Variants in MICAL3 observed in about 807,000 individuals in gnomAD.
The protein encoded by MICAL3 is microtubule associated monooxygenase, calponin and LIM domain containing 3, also known as [F-actin]-monooxygenase MICAL3.
A neutral mutation model predicts 207.4 loss-of-function variants in MICAL3; 62 were observed. The observed-to-expected ratio is 0.30, with a 90% CI of 0.24 to 0.37. MICAL3 has a LOEUF of 0.37. Ranked by LOEUF, MICAL3 falls within the 10% of genes least tolerant of loss-of-function variation. The pLI is 1.00. For synonymous variants in MICAL3, 1,077 were observed against 1,069.3 expected (o/e 1.01, Z -0.14); for missense variants, 2,368 against 2,635.6 (o/e 0.90, Z 2.22).
intron 16 of MICAL3, chr22:17,884,222 G>T: frequency 7.7e-7 from 1 of 1,292,706 alleles, no homozygotes; most frequent in Non-Finnish European, 1.1e-6. Flanking sequence ...CAGGAGGAGG[G>T]GTAGGAAGGC....
At chr22:17,813,622 A>C (rs891443925) in intron 27 of MICAL3, 1 of 152,368 alleles carries the variant, frequency 6.6e-6, no homozygotes, top group Admixed American at 6.5e-5. Context: ...GGAACTATGG[A>C]CCACACCCTA....
At chr22:17,949,887 C>G (rs1163476687) in intron 1 of MICAL3, among the ~76,000 whole-genome samples, 2 of 152,248 alleles carry the variant, frequency 1.3e-5, no homozygotes, top group African/African-American at 4.8e-5. Context: ...CTGGGTCCAG[C>G]AGGCCTGGGT....
chr22:17,992,653 T>C (rs934933121), intron 1 of MICAL3, among the ~76,000 whole-genome samples: 1 of 152,108 alleles, frequency 6.6e-6, no homozygotes, highest in African/African-American at 2.4e-5. Flanking sequence ...CAGGGGCTTG[T>C]TTGTATCCCC....
chr22:17,928,310 G>C (rs1489013523), intron 1 of MICAL3, among the ~76,000 whole-genome samples: 2 of 152,050 alleles, frequency 1.3e-5, no homozygotes, highest in African/African-American at 2.4e-5. Flanking sequence ...GTGGTGGCGG[G>C]CATCTGTAGT....
intron 29 of MICAL3, among the ~76,000 whole-genome samples, chr22:17,802,336 A>C (rs1484101569): frequency 6.6e-6 from 1 of 152,236 alleles, no homozygotes; most frequent in African/African-American, 2.4e-5. Context: ...AATTGCTGGG[A>C]TAACAGGTGT....
intron 29 of MICAL3, among the ~76,000 whole-genome samples, chr22:17,797,867 G>A (rs543629501): frequency 6.2e-4 from 95 of 152,342 alleles, no homozygotes; most frequent in Non-Finnish European, 1.1e-3. Context: ...TCGGCGGGCC[G>A]TCCTCCAGGC....
At chr22:18,016,017 G>C (rs986496212) in intron 1 of MICAL3, among the ~76,000 whole-genome samples, 3 of 152,050 alleles carry the variant, frequency 2.0e-5, no homozygotes, top group Non-Finnish European at 4.4e-5. Context: ...TAACTTTATT[G>C]GGATAAATTC....
intron 1 of MICAL3, among the ~76,000 whole-genome samples, chr22:18,011,952 G>C (rs931443107): frequency 1.3e-5 from 2 of 150,534 alleles, no homozygotes; most frequent in African/African-American, 4.9e-5. Context: ...AAAGAACTTA[G>C]AGCAGGGTCT....
In MICAL3 at chr22:17,810,298, T is replaced by G. The variant is rs112889543; in HGVS notation, c.5556+405A>C. On this transcript the variant is annotated intron_variant, in intron 28 of 31. Transcript: ENST00000441493. ...CAGGATGGTCTCAATCTCCTGACCTTGTGATCCGCCCGCCTTGGCCTCCCA... is the reference window on the plus strand; with the variant it reads ...CAGGATGGTCTCAATCTCCTGACCTGGTGATCCGCCCGCCTTGGCCTCCCA... Among the ~76,000 whole-genome samples, 4 of 152,114 alleles carry G rather than the reference T, an allele frequency of 2.6e-5. No individual in the cohort carries two copies. In the South Asian group the frequency reaches 6.2e-4, roughly 24 times the overall value.
At chr22:17,936,218 C>T (rs1933520326) in intron 1 of MICAL3, among the ~76,000 whole-genome samples, 1 of 152,204 alleles carries the variant, frequency 6.6e-6, no homozygotes, top group Non-Finnish European at 1.5e-5. Context: ...AAATGTGGCA[C>T]ACATACACCA....
chr22:17,912,710 C>T (rs879493838), intron 1 of MICAL3, among the ~76,000 whole-genome samples: 3 of 152,118 alleles, frequency 2.0e-5, no homozygotes, highest in Non-Finnish European at 4.4e-5. Flanking sequence ...ATGTACTAGC[C>T]TTGAACAGGT....
chr22:17,819,412 G>A (rs1462611548), intron 25 of MICAL3, among the ~76,000 whole-genome samples: 1 of 152,128 alleles, frequency 6.6e-6, no homozygotes, highest in Non-Finnish European at 1.5e-5. Flanking sequence ...CCACTCACAG[G>A]AACACTGGCC....
chr22:17,966,242 T>C (rs1416354831), intron 1 of MICAL3, among the ~76,000 whole-genome samples: 1 of 152,060 alleles, frequency 6.6e-6, no homozygotes, highest in African/African-American at 2.4e-5. Flanking sequence ...CCACTTTCCC[T>C]GAGATAACTG....
At chr22:17,965,183 C>CAAAA (rs370246938) in intron 1 of MICAL3, among the ~76,000 whole-genome samples, 4 of 105,600 alleles carry the variant, frequency 3.8e-5, no homozygotes, top group Admixed American at 1.0e-4. Context: ...ACCCCGTCTC[C>CAAAA]AAAAAAAAAA....
intron 25 of MICAL3, among the ~76,000 whole-genome samples, chr22:17,820,236 C>T (rs756625883): frequency 7.6e-4 from 115 of 152,044 alleles, no homozygotes; most frequent in Non-Finnish European, 1.5e-3. Flanking sequence ...CCAGCTTTCT[C>T]CCTGATCTGA....
At chr22:17,928,807 TTTC>T (rs1205722558) in intron 1 of MICAL3, among the ~76,000 whole-genome samples, 1 of 152,212 alleles carries the variant, frequency 6.6e-6, no homozygotes, top group Non-Finnish European at 1.5e-5. Flanking sequence ...AGAACTTTTT[TTTC>T]TTAAGACGGA....
rs1602050749 is a variant in MICAL3, at chr22:17,849,938, G to A, written c.2606-7921C>T. ...GAACTCCTGACCTCGTGATCCGCCC[G>A]CCTTAGCCTCCCAAAGTGCTGGGAT... is the stretch of plus-strand genomic sequence containing the variant. On this transcript the variant is annotated intron_variant, in intron 19 of 31. Coordinates refer to ENST00000441493, the MANE Select transcript of MICAL3 (RefSeq NM_015241.3). Among the ~76,000 whole-genome samples, 3 of 151,882 alleles carry A rather than the reference G, an allele frequency of 2.0e-5. No homozygotes were observed. In the Middle Eastern group the frequency reaches 0.01, roughly 517 times the overall value.
intron 1 of MICAL3, among the ~76,000 whole-genome samples, chr22:17,982,967 C>G (rs766014154): frequency 1.3e-5 from 2 of 152,122 alleles, no homozygotes; most frequent in Non-Finnish European, 2.9e-5. Flanking sequence ...CTGGAAAGGA[C>G]AGAGTCCAAA....
chr22:17,851,466 CT>C (rs1306253380), intron 19 of MICAL3, among the ~76,000 whole-genome samples: 1 of 152,192 alleles, frequency 6.6e-6, no homozygotes. Flanking sequence ...TTCTCATCAT[CT>C]TTGTGTTCCT....
Sources: gnomAD v4.1 joint callset for allele counts (sites outside exome capture counted in the v4.1 genomes callset) on GRCh38, gnomAD v4.1.1 for gene constraint, MANE v1.5 for transcripts, NCBI Gene and HGNC (gene_info 2026-07-23, HGNC 2026-07-21) for gene names.